Variants in TMEM67 observed in about 807,000 individuals in gnomAD.
TMEM67 encodes the protein transmembrane protein 67, also known as meckelin.
TMEM67 carries 124 observed loss-of-function variants against 136.6 expected under a neutral mutation model. The ratio of observed to expected loss-of-function variants is 0.91; its 90% CI spans 0.78 to 1.05. The LOEUF (loss-of-function observed/expected upper bound fraction) is 1.05, where lower values mean the gene tolerates loss of function less well. TMEM67 is among the 50% of genes least tolerant of loss of function. TMEM67 has a pLI of 0.00. For missense variants in TMEM67, 1,107 were observed against 1,178.4 expected, an observed-to-expected ratio of 0.94 and a Z score of 0.89; for synonymous variants, 364 against 390.5, an observed-to-expected ratio of 0.93 and a Z score of 0.80.
intron 6 of TMEM67, among the ~76,000 whole-genome samples, chr8:93,772,101 T>C (rs1234883096): frequency 6.6e-6 from 1 of 152,236 alleles, no homozygotes; most frequent in Non-Finnish European, 1.5e-5. Flanking sequence ...TCGTTTTTGT[T>C]TGGGATGAAG....
chr8:93,824,880 A>G, the TMEM67 span, among the ~76,000 whole-genome samples: 2 of 151,876 alleles, frequency 1.3e-5, no homozygotes, highest in African/African-American at 4.8e-5. Context: ...ATACGCAGCT[A>G]ATTTTTTGTA....
At chr8:93,809,016 A>ATT in intron 24 of TMEM67, 41 bp from the exon 25 acceptor site, 1 of 1,536,652 alleles carries the variant, frequency 6.5e-7, no homozygotes, top group Non-Finnish European at 9.0e-7. Flanking sequence ...TTAGATACCA[A>ATT]GAACATAACA....
chr8:93,807,777 T>A (rs1815220824), intron 23 of TMEM67, among the ~76,000 whole-genome samples: 1 of 152,030 alleles, frequency 6.6e-6, no homozygotes, highest in South Asian at 2.1e-4. Context: ...CGGGTTAGAT[T>A]TAGACAAAGA....
At chr8:93,777,802 G>T (rs1274738378) in intron 7 of TMEM67, among the ~76,000 whole-genome samples, 4 of 152,126 alleles carry the variant, frequency 2.6e-5, no homozygotes, top group Non-Finnish European at 5.9e-5. Context: ...ATAAGTGCGA[G>T]GTGGTGCTGA....
At chr8:93,754,881 G>A (rs1209402765), upstream of TMEM67, 2 of 1,592,190 alleles carry the variant, frequency 1.3e-6, no homozygotes, top group Non-Finnish European at 1.7e-6. Flanking sequence ...GCTGATGGGG[G>A]GCTGGAGGCT....
chr8:93,831,404 T>A, the TMEM67 span, among the ~76,000 whole-genome samples: 1 of 152,240 alleles, frequency 6.6e-6, no homozygotes, highest in Non-Finnish European at 1.5e-5. Context: ...AGATTTCTAT[T>A]ACAATGGACA....
At chr8:93,789,000 CAG>C (rs942801184) in intron 14 of TMEM67, among the ~76,000 whole-genome samples, 8 of 152,078 alleles carry the variant, frequency 5.3e-5, no homozygotes, top group East Asian at 1.9e-4. Flanking sequence ...TAAAAAAAAA[CAG>C]AGGTAATTCT....
Position 93,793,263 on chromosome 8 carries a change from G to T in TMEM67, c.1641G>T (p.Lys547Asn). ...LASLLKTAGW[K>N]RRIGSPMIDL... ...CTCTTTTGAAGACAGCAGGATGGAA[G>T]AGGCGCATTGGGAGTCCCATGATTG... Residue 547 changes from lysine (K) to asparagine (N), a missense_variant, in exon 16 of 28, where the codon AAG becomes AAT. This residue lies in a region of TMEM67 where 925 missense variants were observed against 1,002.4 expected (regional missense o/e 0.92). Coordinates refer to ENST00000453321, the MANE Select transcript of TMEM67 (RefSeq NM_153704.6). 1 of 1,614,140 alleles carries T rather than the reference G, an allele frequency of 6.2e-7. No homozygotes were observed. The highest frequency in any genetic ancestry group is 1.3e-5 in the African/African-American group (1 of 75,062).
chr8:93,778,892 T>C (rs1401322623), intron 7 of TMEM67, among the ~76,000 whole-genome samples: 1 of 152,228 alleles, frequency 6.6e-6, no homozygotes, highest in African/African-American at 2.4e-5. Context: ...TGAATTTGAA[T>C]GTTGGCCTGC....
intron 2 of TMEM67, chr8:93,756,163 G>A (rs1812564316): frequency 6.9e-6 from 2 of 291,590 alleles, no homozygotes; most frequent in Non-Finnish European, 1.3e-5. Context: ...AGATGAATAA[G>A]GCATATATAG....
chr8:93,814,349 C>T (rs1808821944), intron 26 of TMEM67, among the ~76,000 whole-genome samples: 1 of 151,152 alleles, frequency 6.6e-6, no homozygotes, highest in Non-Finnish European at 1.5e-5. Context: ...CCGTGTTAGC[C>T]AGGATAGTCT....
At chr8:93,786,494 G>A in intron 13 of TMEM67, 148 bp downstream of exon 13, 2 of 888,780 alleles carry the variant, frequency 2.3e-6, no homozygotes, top group Non-Finnish European at 3.5e-6. Context: ...GCATAGACCA[G>A]TAAAAGTGAA....
chr8:93,783,858 G>A (rs1813970288), intron 11 of TMEM67, among the ~76,000 whole-genome samples: 1 of 152,150 alleles, frequency 6.6e-6, no homozygotes, highest in South Asian at 2.1e-4. Context: ...AACAGCATGA[G>A]GGTAACTGCC....
intron 6 of TMEM67, among the ~76,000 whole-genome samples, 166 bp from the exon 7 acceptor site, chr8:93,772,423 G>A (rs575906650): frequency 8.6e-5 from 13 of 152,038 alleles, no homozygotes; most frequent in South Asian, 4.2e-4. Context: ...TTTGTAATGC[G>A]GTCCTATTTA....
intron 3 of TMEM67, 117 bp downstream of exon 3, chr8:93,758,693 GC>G: frequency 1.2e-6 from 1 of 861,528 alleles, no homozygotes; most frequent in Non-Finnish European, 1.9e-6. Flanking sequence ...TTTTGCAGTG[GC>G]TCAAGCAATT....
At chr8:93,790,100 A>G (rs1196553357) in intron 14 of TMEM67, among the ~76,000 whole-genome samples, 2 of 152,122 alleles carry the variant, frequency 1.3e-5, no homozygotes, top group African/African-American at 2.4e-5. Flanking sequence ...ATGAAACTAC[A>G]TTGATGAAGT....
intron 7 of TMEM67, 63 bp from the exon 8 acceptor site, chr8:93,780,530 T>C: frequency 1.2e-6 from 2 of 1,603,628 alleles, no homozygotes; most frequent in Non-Finnish European, 1.7e-6. Context: ...AAAATTTTTA[T>C]ATCAACTTTT....
rs768860261 is a variant in TMEM67, at chr8:93,787,840, A to C, written c.1413-4A>C. Reference sequence around the variant, plus strand: ...TTACTATAAATGCATTTTCTTTTAAATAGTGTCCACCTTGTACCCAACACA... The same window carrying C: ...TTACTATAAATGCATTTTCTTTTAACTAGTGTCCACCTTGTACCCAACACA... On this transcript the variant is annotated splice_region_variant and splice_polypyrimidine_tract_variant and intron_variant, in intron 13 of 27. Coordinates refer to ENST00000453321, the MANE Select transcript of TMEM67 (RefSeq NM_153704.6). The C allele has an allele frequency of 1.2e-6, 2 of 1,607,032 alleles. No homozygotes were observed. The highest frequency in any genetic ancestry group is 1.1e-5 in the South Asian group (1 of 90,940).
rs1178123059 is a variant in TMEM67 at position 93,781,705 on chromosome 8, T to G, written c.1026T>G (p.Asn342Lys). The G allele has an allele frequency of 1.2e-6, 2 of 1,611,132 alleles. No individual in the cohort carries two copies. Among genetic ancestry groups the G allele is most frequent in the Admixed American group, 3.3e-5 (2 of 59,792 alleles). ...FVAASYDIRG[N>K]FLKWQTLEGG... is the part of the protein sequence containing the mutation. Reference sequence around the variant, plus strand: ...CTGCTTCCTATGATATAAGAGGAAATTTTCTCAAGTGGCAAACTTTAGAAG... The same window carrying G: ...CTGCTTCCTATGATATAAGAGGAAAGTTTCTCAAGTGGCAAACTTTAGAAG... Residue 342 changes from asparagine to lysine, a missense_variant, in exon 10 of 28, where the codon AAT becomes AAG. This residue lies in a region of TMEM67 where 925 missense variants were observed against 1,002.4 expected (regional missense o/e 0.92). Transcript: ENST00000453321.
Sources: allele counts gnomAD v4.1 joint callset (sites outside exome capture counted in the v4.1 genomes callset), GRCh38; gene constraint gnomAD v4.1.1; regional missense constraint gnomAD v4.1.1; transcripts MANE v1.5; gene names NCBI Gene and HGNC (gene_info 2026-07-23, HGNC 2026-07-21).